The following PBX1 variants were observed in gnomAD, a reference collection of about 807,000 sequenced individuals.
The protein encoded by PBX1 is pre-B-cell leukemia transcription factor 1.
PBX1 carries 6 observed loss-of-function variants against 53.4 expected under a neutral mutation model. That is an observed-to-expected ratio of 0.11 (90% CI 0.06 to 0.22). The LOEUF is 0.22. PBX1 is among the 10% of genes least tolerant of loss of function. PBX1 has a pLI of 1.00. For synonymous variants in PBX1, 204 were observed against 212.3 expected, an observed-to-expected ratio of 0.96 and a Z score of 0.34; for missense variants, 251 against 551.4, an observed-to-expected ratio of 0.46 and a Z score of 5.46.
At chr1:164,649,591 AGATT>A (rs1209481438) in intron 2 of PBX1, among the ~76,000 whole-genome samples, 1 of 152,080 alleles carries the variant, frequency 6.6e-6, no homozygotes, top group Non-Finnish European at 1.5e-5. Flanking sequence ...TTGGCTTCCT[AGATT>A]GTGTCCCATG....
chr1:164,569,879 TA>T (rs1420151083), intron 2 of PBX1, among the ~76,000 whole-genome samples: 2 of 152,134 alleles, frequency 1.3e-5, no homozygotes, highest in African/African-American at 2.4e-5. Flanking sequence ...GCTATTCTCT[TA>T]AAGTGAGAAT....
intron 2 of PBX1, among the ~76,000 whole-genome samples, chr1:164,669,119 GT>G (rs2101967611): frequency 6.6e-6 from 1 of 151,234 alleles, no homozygotes; most frequent in South Asian, 2.1e-4. Context: ...CCTCCTCTTT[GT>G]GATTTTAGGG....
intron 2 of PBX1, among the ~76,000 whole-genome samples, chr1:164,590,901 G>C (rs1439708583): frequency 2.0e-5 from 3 of 152,152 alleles, no homozygotes; most frequent in Non-Finnish European, 2.9e-5. Context: ...CTGGAGGGCA[G>C]TGGTGCGATC....
In PBX1 at chr1:164,622,399, A is replaced by G. The variant is rs183202371; in HGVS notation, c.265+59088A>G. Among the ~76,000 whole-genome samples, 4 of 152,280 alleles carry G rather than the reference A, an allele frequency of 2.6e-5. No individual in the cohort carries two copies. The East Asian group carries it at 5.8e-4, about 22-fold the overall frequency. On this transcript the variant is annotated intron_variant, in intron 2 of 8. Transcript: ENST00000420696. ...AGACTAGCAGGATTTTTGGACTCCAAAGTTCTGGATTGATCTTTTTCTATC... is the reference window on the plus strand; with the variant it reads ...AGACTAGCAGGATTTTTGGACTCCAGAGTTCTGGATTGATCTTTTTCTATC...
At chr1:164,591,227 G>C (rs1655355263) in intron 2 of PBX1, among the ~76,000 whole-genome samples, 1 of 152,058 alleles carries the variant, frequency 6.6e-6, no homozygotes, top group Non-Finnish European at 1.5e-5. Context: ...GGCCAGGATG[G>C]TCTGGAACTC....
At chr1:164,614,734 C>T (rs998830357) in intron 2 of PBX1, among the ~76,000 whole-genome samples, 1 of 152,150 alleles carries the variant, frequency 6.6e-6, no homozygotes, top group East Asian at 1.9e-4. Context: ...AGGGCATGAC[C>T]GGCAGCTTAG....
intron 2 of PBX1, among the ~76,000 whole-genome samples, chr1:164,697,453 G>A (rs1193432231): frequency 6.6e-6 from 1 of 152,124 alleles, no homozygotes; most frequent in Non-Finnish European, 1.5e-5. Context: ...TCTATTCTAT[G>A]TCAACCCTTT....
intron 8 of PBX1, among the ~76,000 whole-genome samples, chr1:164,837,740 C>A (rs550548729): frequency 6.8e-4 from 104 of 152,296 alleles, no homozygotes; most frequent in African/African-American, 2.5e-3. Flanking sequence ...AAACTTGAAG[C>A]TTTAGCCTCT....
intron 2 of PBX1, among the ~76,000 whole-genome samples, chr1:164,878,978 A>G (rs1353584559): frequency 6.6e-6 from 1 of 152,214 alleles, no homozygotes; most frequent in Non-Finnish European, 1.5e-5. Context: ...TATGAGCCTC[A>G]GGTTTTAGAG....
intron 2 of PBX1, among the ~76,000 whole-genome samples, chr1:164,779,485 T>C (rs1667829869): frequency 6.6e-6 from 1 of 152,188 alleles, no homozygotes; most frequent in African/African-American, 2.4e-5. Context: ...AGGCTGTCAC[T>C]GAACATAAGT....
At chr1:164,836,931 G>A (rs1018769844) in intron 8 of PBX1, among the ~76,000 whole-genome samples, 5 of 152,176 alleles carry the variant, frequency 3.3e-5, no homozygotes, top group African/African-American at 4.8e-5. Flanking sequence ...GTGATGGCAC[G>A]TAAATTGCTA....
At chr1:164,857,544 T>G (rs1672005724) in intron 2 of PBX1, among the ~76,000 whole-genome samples, 1 of 152,184 alleles carries the variant, frequency 6.6e-6, no homozygotes, top group Admixed American at 6.5e-5. Context: ...CCAGGAATTG[T>G]GGGGTGGGGC....
intron 2 of PBX1, among the ~76,000 whole-genome samples, chr1:164,660,842 GT>G (rs1660447712): frequency 6.6e-6 from 1 of 152,114 alleles, no homozygotes; most frequent in Non-Finnish European, 1.5e-5. Flanking sequence ...TAACATATCA[GT>G]TGTTCAGACT....
At chr1:164,753,919 C>T (rs10800046) in intron 2 of PBX1, among the ~76,000 whole-genome samples, 14,909 of 152,086 alleles carry the variant, frequency 0.098, 1,168 homozygotes, top group African/African-American at 0.2. Context: ...CAGGAGTAGC[C>T]GTGAAAGGCC....
At chr1:164,871,959 C>T (rs1180230304) in intron 2 of PBX1, among the ~76,000 whole-genome samples, 1 of 152,092 alleles carries the variant, frequency 6.6e-6, no homozygotes, top group African/African-American at 2.4e-5. Flanking sequence ...ATCTCTGTGT[C>T]CCCTACTAGC....
chr1:164,590,244 A>G, intron 2 of PBX1: 3 of 416,742 alleles, frequency 7.2e-6, no homozygotes, highest in Non-Finnish European at 1.4e-5. Context: ...CAGGGAGCAG[A>G]TAGAAGAAAT....
At chr1:164,561,722 C>T (rs1391436107) in intron 1 of PBX1, among the ~76,000 whole-genome samples, 1 of 152,116 alleles carries the variant, frequency 6.6e-6, no homozygotes, top group African/African-American at 2.4e-5. Context: ...CGACTTCCCC[C>T]TTTCAATGGC....
intron 2 of PBX1, among the ~76,000 whole-genome samples, chr1:164,760,449 C>T (rs923817728): frequency 1.6e-4 from 23 of 146,692 alleles, no homozygotes; most frequent in African/African-American, 5.7e-4. Context: ...CCCTTCCTTC[C>T]TCCTTCTCTC....
intron 2 of PBX1, among the ~76,000 whole-genome samples, chr1:164,737,658 T>G (rs1665369961): frequency 6.6e-6 from 1 of 152,080 alleles, no homozygotes; most frequent in Admixed American, 6.6e-5. Flanking sequence ...TTTGTATCTT[T>G]AGTAGAGACA....
Sources: allele counts gnomAD v4.1 joint callset (sites outside exome capture counted in the v4.1 genomes callset), GRCh38; gene constraint gnomAD v4.1.1; transcripts MANE v1.5; gene names NCBI Gene and HGNC (gene_info 2026-07-23, HGNC 2026-07-21).